Variants in PRKCZ observed in about 807,000 individuals in gnomAD.
The protein encoded by PRKCZ is protein kinase C zeta type.
Under a neutral mutation model 79.5 loss-of-function variants are expected in PRKCZ, and 33 were observed. That is an observed-to-expected ratio of 0.41 (90% CI 0.31 to 0.55). PRKCZ has a LOEUF of 0.55. Among genes scored for constraint, PRKCZ ranks in the 20% least tolerant of loss-of-function variants. PRKCZ has a pLI of 0.19. For synonymous variants in PRKCZ, 342 were observed against 320.9 expected, an observed-to-expected ratio of 1.07 and a Z score of -0.70; for missense variants, 578 against 813.5, an observed-to-expected ratio of 0.71 and a Z score of 3.52.
rs770306508 is a variant in PRKCZ at position 2,168,321 on chromosome 1, A to G, written c.975-1197A>G. Among the ~76,000 whole-genome samples, 11 of 152,202 alleles carry G rather than the reference A, an allele frequency of 7.2e-5. No individual in the cohort carries two copies. Among genetic ancestry groups the G allele is most frequent in the Non-Finnish European group, 1.3e-4 (9 of 68,022 alleles). On this transcript the variant is annotated intron_variant, in intron 10 of 17. Coordinates refer to ENST00000378567, the MANE Select transcript of PRKCZ (RefSeq NM_002744.6). This position sits in a 1 kb window ranked among gnomAD's most constrained non-coding sequence, Gnocchi z 4.7. ...AGTGGACCAGCGAGTCCCCAAGGAC[A>G]AGGGCCAGGTTACCAGAGAATTTCC...
At chr1:2,102,827 A>T (rs139915712) in intron 4 of PRKCZ, among the ~76,000 whole-genome samples, 170 of 152,154 alleles carry the variant, frequency 1.1e-3, no homozygotes, top group African/African-American at 4.0e-3. Context: ...TAGGGGCTGG[A>T]GGGGCCTTAC....
chr1:2,059,718 C>A, intron 4 of PRKCZ, 127 bp downstream of exon 4: 1 of 1,283,088 alleles, frequency 7.8e-7, no homozygotes, highest in South Asian at 1.3e-5. Flanking sequence ...AGGGCAGGAG[C>A]AGCCGTGGTG....
chr1:2,076,698 C>T (rs1461930519), intron 4 of PRKCZ, among the ~76,000 whole-genome samples: 3 of 150,684 alleles, frequency 2.0e-5, no homozygotes, highest in South Asian at 2.1e-4. Flanking sequence ...GTCAAGATTG[C>T]GCCACCGCAC....
chr1:2,111,116 G>A (rs1350188796), intron 4 of PRKCZ, among the ~76,000 whole-genome samples: 1 of 152,106 alleles, frequency 6.6e-6, no homozygotes, highest in African/African-American at 2.4e-5. Flanking sequence ...GGGTATTGCG[G>A]CAGGGAAGGC....
chr1:2,163,847 G>A (rs1049111193), intron 10 of PRKCZ, among the ~76,000 whole-genome samples: 14 of 151,970 alleles, frequency 9.2e-5, no homozygotes, highest in Admixed American at 2.0e-4. Flanking sequence ...TGCAGTGAAC[G>A]GAGATTGCAC....
At chr1:2,118,903 T>G (rs1034866697) in intron 4 of PRKCZ, among the ~76,000 whole-genome samples, 1 of 152,220 alleles carries the variant, frequency 6.6e-6, no homozygotes, top group African/African-American at 2.4e-5. Flanking sequence ...GTGTTTTAAA[T>G]GAAAGATTTA....
chr1:2,082,955 C>T lies in PRKCZ; in HGVS notation c.334+23364C>T, dbSNP rs554319197. On this transcript the variant is annotated intron_variant, in intron 4 of 17. Transcript: ENST00000378567. This position sits in a 1 kb window ranked among gnomAD's most constrained non-coding sequence, Gnocchi z 4.4. ...GGCGGCATGAGGGAGCAAGCCACCT[C>T]GGGCACAGGTGAAGGACAGGTGTCC... Among the ~76,000 whole-genome samples, 16 of 152,162 alleles carry T rather than the reference C, an allele frequency of 1.1e-4. No individual in the cohort carries two copies. The highest frequency in any genetic ancestry group is 2.1e-4 in the South Asian group (1 of 4,818).
intron 4 of PRKCZ, among the ~76,000 whole-genome samples, chr1:2,081,327 G>C (rs1663468085): frequency 6.6e-6 from 1 of 152,178 alleles, no homozygotes; most frequent in Non-Finnish European, 1.5e-5. Flanking sequence ...CTGGCTGTTG[G>C]GGCAGCGATG....
At chr1:2,145,302 A>G (rs2503705) in intron 6 of PRKCZ, 71,597 of 152,072 alleles carry the variant, frequency 0.47, 18,092 homozygotes, top group African/African-American at 0.67. Context: ...CCAGCTGACC[A>G]CCAGTACTGG....
At position 2,174,695 on chromosome 1, in the gene PRKCZ, C is replaced by T. The variant is rs926668257; in HGVS notation, c.1406-59C>T. On this transcript the variant is annotated intron_variant, in intron 14 of 17. Transcript: ENST00000378567. The surrounding 1 kb of genome is among the most constrained non-coding windows in gnomAD (Gnocchi z 6.2). ...CTCTTGCTCAGAGTCAGAGTCTGGG[C>T]GGCACTGGGCAAATGGCACACAACA... The T allele has an allele frequency of 1.8e-5, 27 of 1,540,630 alleles. No individual in the cohort carries two copies. The East Asian group carries it at 2.0e-4, about 12-fold the overall frequency.
intron 11 of PRKCZ, among the ~76,000 whole-genome samples, chr1:2,171,132 C>T (rs546856683): frequency 1.2e-4 from 18 of 151,984 alleles, no homozygotes; most frequent in South Asian, 2.1e-4. Flanking sequence ...AGATCGAGAC[C>T]ATCCTGGCTA....
intron 16 of PRKCZ, chr1:2,182,316 G>A (rs2100552010): frequency 5.9e-6 from 1 of 168,168 alleles, no homozygotes; most frequent in East Asian, 1.8e-4. Flanking sequence ...TTCCTGCCAA[G>A]CAGCACCTGA....
intron 5 of PRKCZ, chr1:2,142,575 C>A: frequency 3.9e-6 from 1 of 254,722 alleles, no homozygotes; most frequent in Non-Finnish European, 7.9e-6. Context: ...TGGGATGCCC[C>A]CTCTCACCCA....
At chr1:2,104,726 T>A in intron 4 of PRKCZ, 2 of 985,380 alleles carry the variant, frequency 2.0e-6, no homozygotes, top group Non-Finnish European at 2.4e-6. Flanking sequence ...AGAACATCGC[T>A]CGGTGCCAGA....
rs201029566 is a variant in PRKCZ, at chr1:2,151,004, G to A, written c.876+26G>A. 46 of 1,608,814 alleles carry A rather than the reference G, an allele frequency of 2.9e-5. No homozygotes were observed. The East Asian group carries it at 5.4e-4, about 19-fold the overall frequency. ...GTAGGTGCCGCTTCTCATGGGGCCCGGGGGCCCGGGAACGCGCTGCCCTGG... is the reference window on the plus strand; with the variant it reads ...GTAGGTGCCGCTTCTCATGGGGCCCAGGGGCCCGGGAACGCGCTGCCCTGG... On this transcript the variant is annotated intron_variant, in intron 9 of 17. Coordinates refer to ENST00000378567, the MANE Select transcript of PRKCZ (RefSeq NM_002744.6).
At chr1:2,133,030 T>A (rs1056842968) in intron 4 of PRKCZ, among the ~76,000 whole-genome samples, 1 of 152,220 alleles carries the variant, frequency 6.6e-6, no homozygotes, top group South Asian at 2.1e-4. Context: ...GGCTGTGTGC[T>A]GTGTCCTGTG....
At chr1:2,136,529 C>T (rs1571726195) in intron 5 of PRKCZ, among the ~76,000 whole-genome samples, 1 of 152,104 alleles carries the variant, frequency 6.6e-6, no homozygotes, top group African/African-American at 2.4e-5. Context: ...ATGTGGCAGG[C>T]ACGGGAGAGT....
At chr1:2,087,505 GGT>G (rs1204073467) in intron 4 of PRKCZ, among the ~76,000 whole-genome samples, 1 of 152,176 alleles carries the variant, frequency 6.6e-6, no homozygotes, top group East Asian at 1.9e-4. Flanking sequence ...GGCATCCCGA[GGT>G]GCCAGGCGAA....
intron 4 of PRKCZ, among the ~76,000 whole-genome samples, chr1:2,117,075 A>C (rs983332718): frequency 3.9e-5 from 6 of 151,902 alleles, no homozygotes; most frequent in Non-Finnish European, 7.4e-5. Context: ...TCAGCCTCCC[A>C]AGTAGCTGGG....
Sources: gnomAD v4.1 joint callset for allele counts (sites outside exome capture counted in the v4.1 genomes callset) on GRCh38, gnomAD v4.1.1 for gene constraint, Gnocchi (gnomAD v3.1) non-coding constraint, MANE v1.5 for transcripts, NCBI Gene and HGNC (gene_info 2026-07-23, HGNC 2026-07-21) for gene names.